The following GLI2 variants were observed in gnomAD, a reference collection of about 807,000 sequenced individuals.
GLI2 encodes the protein GLI family zinc finger 2.
GLI2 carries 22 observed loss-of-function variants against 78.9 expected under a neutral mutation model. The observed-to-expected ratio is 0.28, with a 90% CI of 0.20 to 0.40. The LOEUF (loss-of-function observed/expected upper bound fraction) is 0.40. Ranked by LOEUF, GLI2 falls within the 10% of genes least tolerant of loss-of-function variation. The probability of loss-of-function intolerance (pLI) is 1.00; values close to 1 mark genes in which losing one functional copy is unlikely to be tolerated. For synonymous variants in GLI2, 974 were observed against 963.7 expected (o/e 1.01, Z -0.20); for missense variants, 2,097 against 2,213.2 (o/e 0.95, Z 1.05).
intron 1 of GLI2, among the ~76,000 whole-genome samples, chr2:120,764,520 C>T (rs986252557): frequency 3.3e-5 from 5 of 152,128 alleles, no homozygotes; most frequent in African/African-American, 7.2e-5. Flanking sequence ...AGTGAGTGTC[C>T]GGGTCACAGC....
intron 3 of GLI2, among the ~76,000 whole-genome samples, chr2:120,935,355 C>G (rs556960453): frequency 3.8e-4 from 58 of 152,356 alleles, no homozygotes; most frequent in African/African-American, 1.4e-3. Context: ...CCCAGAAACC[C>G]TGGGTCCAGG....
At chr2:120,963,289 C>T (rs1681673182) in intron 5 of GLI2, among the ~76,000 whole-genome samples, 2 of 152,240 alleles carry the variant, frequency 1.3e-5, no homozygotes, top group African/African-American at 4.8e-5. Flanking sequence ...TGTGTGTCTT[C>T]ACAACAGCCC....
At chr2:120,903,110 C>T (rs971132256) in intron 2 of GLI2, among the ~76,000 whole-genome samples, 6 of 151,934 alleles carry the variant, frequency 3.9e-5, no homozygotes, top group Admixed American at 1.3e-4. Flanking sequence ...CAGGGCCGGG[C>T]GCAGTGGGTC....
intron 3 of GLI2, among the ~76,000 whole-genome samples, chr2:120,950,603 G>A (rs1318359805): frequency 6.6e-6 from 1 of 152,196 alleles, no homozygotes; most frequent in Admixed American, 6.5e-5. Context: ...GGTTCTGTTA[G>A]CGCTAGGAGG....
intron 2 of GLI2, among the ~76,000 whole-genome samples, chr2:120,912,093 G>A (rs557101335): frequency 5.3e-5 from 8 of 152,270 alleles, no homozygotes; most frequent in African/African-American, 1.9e-4. Flanking sequence ...CCTCGGATGA[G>A]AGTGCACAGG....
chr2:120,771,767 A>G (rs1683529801), intron 1 of GLI2, among the ~76,000 whole-genome samples: 1 of 152,200 alleles, frequency 6.6e-6, no homozygotes, highest in Non-Finnish European at 1.5e-5. Flanking sequence ...TCTGCCTTCC[A>G]GAGGGGCCAC....
At chr2:120,762,389 G>A (rs1355905537) in intron 1 of GLI2, among the ~76,000 whole-genome samples, 1 of 152,156 alleles carries the variant, frequency 6.6e-6, no homozygotes, top group Non-Finnish European at 1.5e-5. Flanking sequence ...TTCCCATCTG[G>A]GACCACAGAG....
At chr2:120,871,386 C>T (rs894204475) in intron 2 of GLI2, among the ~76,000 whole-genome samples, 12 of 152,348 alleles carry the variant, frequency 7.9e-5, no homozygotes, top group South Asian at 6.2e-4. Flanking sequence ...TGTTGAGAAA[C>T]GGAGATGAGA....
At chr2:120,959,680 G>A (rs975198912) in intron 5 of GLI2, among the ~76,000 whole-genome samples, 5 of 152,034 alleles carry the variant, frequency 3.3e-5, no homozygotes, top group African/African-American at 1.2e-4. Flanking sequence ...GGTGTCCCCC[G>A]GCCCCTCCCC....
intron 1 of GLI2, among the ~76,000 whole-genome samples, chr2:120,759,151 C>T (rs891374664): frequency 6.6e-6 from 1 of 152,216 alleles, no homozygotes; most frequent in Non-Finnish European, 1.5e-5. Flanking sequence ...CTTACACTCT[C>T]ACTCTGTCAA....
At chr2:120,781,747 G>A (rs1020171380) in intron 1 of GLI2, among the ~76,000 whole-genome samples, 4 of 152,116 alleles carry the variant, frequency 2.6e-5, no homozygotes, top group Admixed American at 6.5e-5. Context: ...GCTGAGTGTG[G>A]TGGTGCACAC....
chr2:120,877,058 G>T (rs138329784), intron 2 of GLI2, among the ~76,000 whole-genome samples: 42 of 152,358 alleles, frequency 2.8e-4, no homozygotes, highest in Non-Finnish European at 5.6e-4. Context: ...CGGGGCCTCG[G>T]CCTTGGGTCA....
intron 3 of GLI2, among the ~76,000 whole-genome samples, chr2:120,943,625 G>T (rs1396166517): frequency 6.6e-6 from 1 of 152,232 alleles, no homozygotes; most frequent in East Asian, 1.9e-4. Context: ...TGCCCCTGGT[G>T]CTTTGGGACT....
intron 1 of GLI2, among the ~76,000 whole-genome samples, chr2:120,771,391 C>T (rs1054689139): frequency 1.3e-5 from 2 of 152,274 alleles, no homozygotes; most frequent in Non-Finnish European, 1.5e-5. Flanking sequence ...CTTCAGGTTT[C>T]TGAGGCTTGG....
chr2:120,772,005 T>G (rs997421959), intron 1 of GLI2, among the ~76,000 whole-genome samples: 1 of 152,202 alleles, frequency 6.6e-6, no homozygotes, highest in African/African-American at 2.4e-5. Context: ...TCAAATGCTA[T>G]GAGGTCATGC....
At position 120,740,427 on chromosome 2, in the gene GLI2, G is replaced by T. The variant is rs187521063; in HGVS notation, c.-31+4142G>T. 9.4e-4 allele frequency among the ~76,000 whole-genome samples: 125 copies of T among 133,578 alleles called. 2 individuals are homozygous for T. In the Admixed American group the frequency reaches 9.4e-3, roughly 10 times the overall value. 87.6% of individuals were successfully genotyped at this position (133,578 alleles called of 152,430 possible). A position where few individuals can be genotyped will look rare whatever the true frequency, so the allele number is the denominator to read the frequency against. ...ATGTTTTGTGTGTGTGCTTGCACAT[G>T]TGTGTTGTTTAAAAAAAAAAAAACA... On this transcript the variant is annotated intron_variant, in intron 1 of 13. Coordinates refer to ENST00000361492, the MANE Select transcript of GLI2 (RefSeq NM_001374353.1).
intron 2 of GLI2, among the ~76,000 whole-genome samples, chr2:120,844,828 C>T (rs1573468488): frequency 6.6e-6 from 1 of 152,168 alleles, no homozygotes; most frequent in East Asian, 1.9e-4. Flanking sequence ...ATCCTTATTG[C>T]TTTCTTGGCC....
intron 3 of GLI2, among the ~76,000 whole-genome samples, chr2:120,940,419 C>T (rs1414583370): frequency 2.0e-5 from 3 of 152,176 alleles, no homozygotes; most frequent in African/African-American, 7.2e-5. Flanking sequence ...TCTCCCATCT[C>T]AGAACACCAG....
intron 2 of GLI2, among the ~76,000 whole-genome samples, chr2:120,872,923 A>G (rs1434716542): frequency 1.3e-5 from 2 of 152,346 alleles, no homozygotes; most frequent in South Asian, 2.1e-4. Context: ...TTTGATGGCA[A>G]TAGTAATAAA....
Sources: gnomAD v4.1 joint callset for allele counts (sites outside exome capture counted in the v4.1 genomes callset) on GRCh38, gnomAD v4.1.1 for gene constraint, MANE v1.5 for transcripts, NCBI Gene and HGNC (gene_info 2026-07-23, HGNC 2026-07-21) for gene names.